Variants in CDYL observed in about 807,000 individuals in gnomAD.
CDYL encodes chromodomain Y like, also known as chromodomain Y-like protein.
CDYL carries 8 observed loss-of-function variants against 47.3 expected under a neutral mutation model. The observed-to-expected ratio is 0.17, with a 90% CI of 0.10 to 0.31. The LOEUF (loss-of-function observed/expected upper bound fraction) is 0.31, where lower values mean the gene tolerates loss of function less well. CDYL is among the 10% of genes least tolerant of loss of function. CDYL has a pLI of 1.00. For synonymous variants in CDYL, 266 were observed against 265.0 expected, an observed-to-expected ratio of 1.00 and a Z score of -0.04; for missense variants, 471 against 701.4, an observed-to-expected ratio of 0.67 and a Z score of 3.71.
At chr6:4,858,008 T>TCCCCCCCCCCCCCCCCCCC (rs1761059244) in intron 1 of CDYL, among the ~76,000 whole-genome samples, 1 of 41,172 alleles carries the variant, frequency 2.4e-5, no homozygotes. Context: ...CCCCGCCCCA[T>TCCCCCCCCCCCCCCCCCCC]CTTGTCCCAT....
chr6:4,834,893 C>G (rs986011209), intron 1 of CDYL, among the ~76,000 whole-genome samples: 1 of 152,142 alleles, frequency 6.6e-6, no homozygotes, highest in Non-Finnish European at 1.5e-5. Context: ...GTATTCTTCA[C>G]GTAGTTCTCG....
At chr6:4,952,225 C>T in intron 5 of CDYL, 41 bp from the exon 6 acceptor site, 1 of 1,596,486 alleles carries the variant, frequency 6.3e-7, no homozygotes, top group Non-Finnish European at 8.6e-7. Context: ...CCGCCCGCCT[C>T]CCACCGCAAT....
chr6:4,756,223 C>T (rs573730402), intron 3 of CDYL, among the ~76,000 whole-genome samples: 1 of 152,286 alleles, frequency 6.6e-6, no homozygotes, highest in South Asian at 2.1e-4. Flanking sequence ...CAGAAGCCTT[C>T]AGCTGATACA....
intron 2 of CDYL, among the ~76,000 whole-genome samples, chr6:4,723,956 G>T (rs547984730): frequency 1.8e-4 from 27 of 152,252 alleles, no homozygotes; most frequent in African/African-American, 6.0e-4. Context: ...GAGCCCTGGG[G>T]ATTAAAAGAG....
rs1561690221 is a variant in CDYL, at chr6:4,892,062, C to T, written c.374C>T (p.Pro125Leu). Residue 125 changes from proline to leucine, a missense_variant, in exon 2 of 7, where the codon CCA becomes CTA. Pro to Leu is a moderately conservative substitution (Grantham distance 98, BLOSUM62 -3). Coordinates refer to ENST00000397588, the MANE Select transcript of CDYL (RefSeq NM_004824.4). The stretch of plus-strand genomic sequence containing the variant: ...CAGAAGTTCAGGAAGAACACAGCTC[C>T]ATCTCTCTCCAGCCGGAAGAACATG... The part of the protein sequence containing the change: ...ASQKFRKNTA[P>L]SLSSRKNMDL... 1 of 1,614,230 alleles carries T rather than the reference C, an allele frequency of 6.2e-7. No homozygotes were observed. Among genetic ancestry groups the T allele is most frequent in the East Asian group, 2.2e-5 (1 of 44,892 alleles).
chr6:4,722,828 G>T (rs185319194), intron 2 of CDYL, among the ~76,000 whole-genome samples: 115 of 152,306 alleles, frequency 7.6e-4, no homozygotes, highest in African/African-American at 2.7e-3. Flanking sequence ...AATGAGCCAA[G>T]ATCGTGCCAC....
chr6:4,948,087 G>C (rs1003467906), intron 5 of CDYL, among the ~76,000 whole-genome samples: 1 of 152,162 alleles, frequency 6.6e-6, no homozygotes, highest in Non-Finnish European at 1.5e-5. Context: ...CTGTAAACGA[G>C]ACTGTGTCCT....
chr6:4,897,224 C>T (rs990806397), intron 2 of CDYL, among the ~76,000 whole-genome samples: 51 of 152,350 alleles, frequency 3.3e-4, no homozygotes, highest in African/African-American at 1.2e-3. Context: ...TATGAAATTT[C>T]AGAAAATGCT....
intron 1 of CDYL, among the ~76,000 whole-genome samples, chr6:4,802,758 G>T (rs1227801801): frequency 7.5e-6 from 1 of 134,130 alleles, no homozygotes; most frequent in Non-Finnish European, 1.5e-5. Context: ...AGATAAGTTT[G>T]TATGAGAGTC....
Position 4,726,406 on chromosome 6 carries a change from C to T in CDYL, c.104-8356C>T, listed in dbSNP as rs569807710. On this transcript the variant is annotated intron_variant, in intron 2 of 8. Transcript: ENST00000328908. ...AAAAATTAGCCAGGCGTGGTACGCA[C>T]CTGTAATCCCAGCTACTCAGGAGGC... 1.6e-3 allele frequency among the ~76,000 whole-genome samples: 240 copies of T among 152,042 alleles called. 4 individuals carry two copies. Among genetic ancestry groups the T allele is most frequent in the African/African-American group, 5.4e-3 (222 of 41,444 alleles).
intron 2 of CDYL, among the ~76,000 whole-genome samples, chr6:4,729,058 A>T (rs750227350): frequency 2.0e-5 from 3 of 152,116 alleles, no homozygotes; most frequent in Non-Finnish European, 4.4e-5. Flanking sequence ...CTTAACCCTT[A>T]TTTAATGTCT....
intron 2 of CDYL, chr6:4,724,811 G>C (rs146870867): frequency 6.6e-6 from 1 of 152,184 alleles, no homozygotes; most frequent in Non-Finnish European, 1.5e-5. Flanking sequence ...CAAAGAATTA[G>C]CAGCAACAAT....
chr6:4,792,153 A>G (rs2127435219), intron 1 of CDYL, among the ~76,000 whole-genome samples: 1 of 151,706 alleles, frequency 6.6e-6, no homozygotes, highest in South Asian at 2.1e-4. Context: ...CGGCCTCCCA[A>G]GGTGCTGGGA....
At chr6:4,902,520 C>T (rs547749067) in intron 2 of CDYL, among the ~76,000 whole-genome samples, 1 of 152,256 alleles carries the variant, frequency 6.6e-6, no homozygotes, top group Admixed American at 6.5e-5. Flanking sequence ...GTCATCCTCC[C>T]AATGCAGCTG....
At chr6:4,759,334 T>G (rs2127422338) in intron 3 of CDYL, among the ~76,000 whole-genome samples, 1 of 152,300 alleles carries the variant, frequency 6.6e-6, no homozygotes, top group Middle Eastern at 3.4e-3. Context: ...TGTGTATCTT[T>G]CCAAAGAGAC....
At chr6:4,943,474 T>C (rs1340018972) in intron 4 of CDYL, 72 bp from the exon 5 acceptor site, 2 of 1,097,390 alleles carry the variant, frequency 1.8e-6, no homozygotes, top group Non-Finnish European at 2.7e-6. Flanking sequence ...GTAAATTGAA[T>C]TCCATAATAG....
At chr6:4,820,144 C>T (rs963078200) in intron 1 of CDYL, among the ~76,000 whole-genome samples, 1 of 152,186 alleles carries the variant, frequency 6.6e-6, no homozygotes, top group Non-Finnish European at 1.5e-5. Context: ...CTTAGAGCCA[C>T]AGATGCCAGC....
chr6:4,804,248 A>G (rs903881812), intron 1 of CDYL, among the ~76,000 whole-genome samples: 7 of 152,058 alleles, frequency 4.6e-5, no homozygotes, highest in African/African-American at 7.2e-5. Context: ...CAGTCAGCCA[A>G]CCTCCAGTTT....
chr6:4,840,097 G>C (rs1236995871), intron 1 of CDYL, among the ~76,000 whole-genome samples: 2 of 152,080 alleles, frequency 1.3e-5, no homozygotes, highest in Non-Finnish European at 2.9e-5. Context: ...ATTTCTTTCA[G>C]CAGTGTTTTG....
Sources: allele counts gnomAD v4.1 joint callset (sites outside exome capture counted in the v4.1 genomes callset), GRCh38; gene constraint gnomAD v4.1.1; transcripts MANE v1.5; gene names NCBI Gene and HGNC (gene_info 2026-07-23, HGNC 2026-07-21).